Variants in DSG3 observed in about 807,000 individuals in gnomAD.
DSG3 encodes desmoglein-3.
Under a neutral mutation model 85.9 loss-of-function variants are expected in DSG3, and 63 were observed. That is an observed-to-expected ratio of 0.73 (90% CI 0.60 to 0.90). The LOEUF (loss-of-function observed/expected upper bound fraction) is 0.90. Among genes scored for constraint, DSG3 ranks in the 40% least tolerant of loss-of-function variants. The pLI, the probability that DSG3 is intolerant of heterozygous loss-of-function variation, is 0.00. For synonymous variants in DSG3, 447 were observed against 441.9 expected (o/e 1.01, Z -0.14); for missense variants, 1,220 against 1,219.9 (o/e 1.00, Z 0.00).
rs747682090 is a variant in DSG3 at position 31,459,014 on chromosome 18, A to G, written c.373-19A>G. ...AACTGATTGCAGAGTAATACTCCACATTTTCCCTCTGTTCCTAGATCACAT... is the reference window on the plus strand; with the variant it reads ...AACTGATTGCAGAGTAATACTCCACGTTTTCCCTCTGTTCCTAGATCACAT... On this transcript the variant is annotated intron_variant, in intron 4 of 15. Transcript: ENST00000257189. 3 of 1,611,708 alleles carry G rather than the reference A, an allele frequency of 1.9e-6. No homozygotes were observed. The South Asian group carries it at 3.3e-5, about 18-fold the overall frequency.
chr18:31,457,262 T>C (rs2072748166), intron 3 of DSG3, 138 bp downstream of exon 3: 1 of 617,400 alleles, frequency 1.6e-6, no homozygotes, highest in Non-Finnish European at 2.6e-6. Context: ...CTCAACAAAA[T>C]AGTACAATAA....
intron 12 of DSG3, among the ~76,000 whole-genome samples, chr18:31,471,649 TTAA>T (rs1214649816): frequency 5.9e-5 from 9 of 152,332 alleles, no homozygotes; most frequent in African/African-American, 2.2e-4. Flanking sequence ...GAGAATGACA[TTAA>T]TCTTTATTGC....
Position 31,457,453 on chromosome 18 carries a change from A to T in DSG3, c.216+329A>T, listed in dbSNP as rs68094756. Among the ~76,000 whole-genome samples the T allele has an allele frequency of 0.074, 11,316 of 152,198 alleles. 969 individuals are homozygous for T. Among genetic ancestry groups the T allele is most frequent in the African/African-American group, 0.22 (8,936 of 41,486 alleles). ...AGACAGAAATGGTTGGGAGCAAAAT[A>T]TGGATTGGTCATGTATTGATAACTG... is the stretch of plus-strand genomic sequence containing the variant. On this transcript the variant is annotated intron_variant, in intron 3 of 15. Coordinates refer to ENST00000257189, the MANE Select transcript of DSG3 (RefSeq NM_001944.3).
intron 2 of DSG3, among the ~76,000 whole-genome samples, 190 bp from the exon 3 acceptor site, chr18:31,456,803 C>T (rs966611547): frequency 1.3e-5 from 2 of 152,004 alleles, no homozygotes; most frequent in Non-Finnish European, 2.9e-5. Context: ...AATCACATAG[C>T]TTTGTAGTTA....
At chr18:31,464,411 T>C (rs766298104) in intron 9 of DSG3, 29 bp downstream of exon 9, 3 of 1,579,204 alleles carry the variant, frequency 1.9e-6, no homozygotes, top group South Asian at 2.4e-5. Flanking sequence ...ATATCCTATT[T>C]CTTGATGAGG....
chr18:31,455,070 A>G (rs150766575), intron 1 of DSG3, among the ~76,000 whole-genome samples: 305 of 151,670 alleles, frequency 2.0e-3, no homozygotes, highest in South Asian at 9.8e-3. Flanking sequence ...CATGCTCTGG[A>G]GTTAGGCTAC....
At chr18:31,453,563 T>C (rs1166643723) in intron 1 of DSG3, among the ~76,000 whole-genome samples, 1 of 152,204 alleles carries the variant, frequency 6.6e-6, no homozygotes, top group African/African-American at 2.4e-5. Flanking sequence ...AGCATATGGA[T>C]ATCAAATTGC....
At chr18:31,453,407 C>A (rs2072722968) in intron 1 of DSG3, among the ~76,000 whole-genome samples, 2 of 139,614 alleles carry the variant, frequency 1.4e-5, no homozygotes, top group South Asian at 4.9e-4. Flanking sequence ...CAAACAAGAT[C>A]TCGGCCAAAC....
chr18:31,455,380 A>C (rs1188377673), intron 1 of DSG3, among the ~76,000 whole-genome samples: 1 of 152,074 alleles, frequency 6.6e-6, no homozygotes, highest in Non-Finnish European at 1.5e-5. Context: ...ATACTTGTTA[A>C]GCACCTGTGA....
At position 31,465,323 on chromosome 18, in the gene DSG3, T is replaced by C; in HGVS notation, c.1277T>C (p.Val426Ala). The C allele has an allele frequency of 6.9e-7, 1 of 1,454,112 alleles. No homozygotes were observed. The highest frequency in any genetic ancestry group is 1.8e-4 in the Middle Eastern group (1 of 5,456). The allele number at this position is 1,454,112 out of a possible 1,614,324, so 90.1% of individuals were successfully genotyped here. The part of the protein sequence containing the change: ...TNKAASNVKY[V>A]MGRNDGGYLM... ...TTTTTAATATTATGAAACAGATATG[T>C]CATGGGACGTAACGATGGTGGATAC... The change falls in exon 10 of 16, where the codon GTC becomes GCC. Residue 426 changes from valine (V) to alanine (A), a missense_variant. Val to Ala is a moderately conservative substitution (Grantham distance 64). Transcript: ENST00000257189.
chr18:31,459,038 A>G lies in DSG3; in HGVS notation c.378A>G (p.Thr126=). The change falls in exon 5 of 16, where the codon ACA becomes ACG. Residue 126 remains threonine (T), a synonymous_variant. Transcript: ENST00000257189. ...CATTTTCCCTCTGTTCCTAGATCAC[A>G]TGTCGGGCTCTAAATGCCCAAGGAC... is the stretch of plus-strand genomic sequence containing the variant. ...DREETPSFLI[T]CRALNAQGLD... The G allele has an allele frequency of 6.2e-7, 1 of 1,613,456 alleles. No homozygotes were observed. The highest frequency in any genetic ancestry group is 8.5e-7 in the Non-Finnish European group (1 of 1,179,854).
rs1023071172 is a variant in DSG3 at position 31,464,236 on chromosome 18, A to G, written c.1125A>G (p.Ile375Met). 4 of 1,614,078 alleles carry G rather than the reference A, an allele frequency of 2.5e-6. No homozygotes were observed. The highest frequency in any genetic ancestry group is 1.3e-5 in the African/African-American group (1 of 74,944). Residue 375 changes from isoleucine (I) to methionine (M), a missense_variant, in exon 9 of 16, where the codon ATA (isoleucine) becomes ATG (methionine). Coordinates refer to ENST00000257189, the MANE Select transcript of DSG3 (RefSeq NM_001944.3). ...CAACCCCAGTCACAATTCAGGTAAT[A>G]AATGTAAGAGAAGGAATTGCATTCC... is the stretch of plus-strand genomic sequence containing the variant. ...VQSTPVTIQV[I>M]NVREGIAFRP...
chr18:31,468,537 C>T lies in DSG3; in HGVS notation c.1637-552C>T, dbSNP rs146123137. Among the ~76,000 whole-genome samples, 1,347 of 152,252 alleles carry T rather than the reference C, an allele frequency of 8.8e-3. 15 individuals are homozygous for T. Among genetic ancestry groups the T allele is most frequent in the African/African-American group, 0.03 (1,239 of 41,560 alleles). ...GAGAGGACAAGGAGGCAGGTGTAGA[C>T]AGATTTACCCACTTGAACCCATTAT... On this transcript the variant is annotated intron_variant, in intron 11 of 15. Coordinates refer to ENST00000257189, the MANE Select transcript of DSG3 (RefSeq NM_001944.3).
At chr18:31,473,788 G>A (rs983071923) in intron 14 of DSG3, among the ~76,000 whole-genome samples, 4 of 151,998 alleles carry the variant, frequency 2.6e-5, no homozygotes, top group Non-Finnish European at 4.4e-5. Flanking sequence ...ATGTTTTTTC[G>A]TGAAAACAAA....
chr18:31,476,473 G>T lies in DSG3; in HGVS notation c.*213G>T. 1 of 466,804 alleles carries T rather than the reference G, an allele frequency of 2.1e-6. No individual in the cohort carries two copies. Among genetic ancestry groups the T allele is most frequent in the Non-Finnish European group, 3.6e-6 (1 of 280,726 alleles). The allele number at this position is 466,804 out of a possible 1,614,324, so 28.9% of individuals were successfully genotyped here. A position where few individuals can be genotyped will look rare whatever the true frequency, so the allele number is the denominator to read the frequency against. On this transcript the variant is annotated 3_prime_UTR_variant, in exon 16 of 16. Transcript: ENST00000257189. ...ATTCTCAAGTACTATTCAAATTGTA[G>T]TAAATCTTAAAGTTTTTCAAAACCC...
chr18:31,471,690 G>A lies in DSG3; in HGVS notation c.1898-594G>A, dbSNP rs376251221. Reference sequence around the variant, plus strand: ...AGGATGTGCACAGAAAGATATTTACGCTGCCAGAAGAGTCCTCCAAGCTTA... The same window carrying A: ...AGGATGTGCACAGAAAGATATTTACACTGCCAGAAGAGTCCTCCAAGCTTA... On this transcript the variant is annotated intron_variant, in intron 12 of 15. Transcript: ENST00000257189. 4.6e-5 allele frequency among the ~76,000 whole-genome samples: 7 copies of A among 152,238 alleles called. No individual in the cohort carries two copies. In the South Asian group the frequency reaches 6.2e-4, roughly 14 times the overall value.
At chr18:31,467,913 C>G (rs1042513354) in intron 11 of DSG3, among the ~76,000 whole-genome samples, 2 of 152,182 alleles carry the variant, frequency 1.3e-5, no homozygotes, top group Non-Finnish European at 2.9e-5. Context: ...GTGCATGTAG[C>G]ATTTTGCTCC....
chr18:31,467,306 A>C (rs1224946054), intron 11 of DSG3, among the ~76,000 whole-genome samples: 1 of 152,014 alleles, frequency 6.6e-6, no homozygotes, highest in Non-Finnish European at 1.5e-5. Flanking sequence ...CTGCCACTGC[A>C]CTCCAGCCTG....
chr18:31,473,826 A>G (rs2144246438), intron 14 of DSG3, among the ~76,000 whole-genome samples: 1 of 152,308 alleles, frequency 6.6e-6, no homozygotes, highest in South Asian at 2.1e-4. Flanking sequence ...GCTTCCCATA[A>G]CTGTGTACTA....
Sources: allele counts gnomAD v4.1 joint callset (sites outside exome capture counted in the v4.1 genomes callset), GRCh38; gene constraint gnomAD v4.1.1; transcripts MANE v1.5; gene names NCBI Gene and HGNC (gene_info 2026-07-23, HGNC 2026-07-21).